Variants in PCSK1 observed in about 807,000 individuals in gnomAD.
PCSK1 encodes proprotein convertase subtilisin/kexin type 1, also known as neuroendocrine convertase 1.
Under a neutral mutation model 90.6 loss-of-function variants are expected in PCSK1, and 56 were observed. That is an observed-to-expected ratio of 0.62 (90% CI 0.50 to 0.77). PCSK1 has a LOEUF of 0.77. Ranked by LOEUF, PCSK1 falls within the 30% of genes least tolerant of loss-of-function variation. The probability of loss-of-function intolerance (pLI) is 0.00; values close to 1 mark genes in which losing one functional copy is unlikely to be tolerated. For synonymous variants in PCSK1, 348 were observed against 342.4 expected, an observed-to-expected ratio of 1.02 and a Z score of -0.18; for missense variants, 801 against 932.6, an observed-to-expected ratio of 0.86 and a Z score of 1.84.
At chr5:96,408,927 T>C (rs1760661915) in intron 8 of PCSK1, among the ~76,000 whole-genome samples, 1 of 152,258 alleles carries the variant, frequency 6.6e-6, no homozygotes, top group South Asian at 2.1e-4. Flanking sequence ...GAAAGTGTGC[T>C]GGACTTAGTT....
Position 96,393,270 on chromosome 5 carries a change from G to T in PCSK1, c.1993C>A (p.Gln665Lys). The T allele has an allele frequency of 2.5e-6, 4 of 1,613,726 alleles. No homozygotes were observed. Among genetic ancestry groups the T allele is most frequent in the Non-Finnish European group, 2.5e-6 (3 of 1,179,870 alleles). The change falls in exon 14 of 14, where the codon CAG (glutamine) becomes AAG (lysine). Residue 665 changes from glutamine (Q) to lysine (K), a missense_variant. By Grantham distance (53) the Gln-to-Lys change is moderately conservative. Coordinates refer to ENST00000311106, the MANE Select transcript of PCSK1 (RefSeq NM_000439.5). ...RDELEEGAPS[Q>K]AMLRLLQSAF... ...CTTTGCAGGAGTCGCAGCATGGCCTGGGAAGGGGCTCCCTCCTCCAACTCA... is the reference window on the plus strand; with the variant it reads ...CTTTGCAGGAGTCGCAGCATGGCCTTGGAAGGGGCTCCCTCCTCCAACTCA...
In PCSK1 at chr5:96,397,319, C is replaced by G; in HGVS notation, c.1722+17G>C. On this transcript the variant is annotated intron_variant, in intron 12 of 13. Transcript: ENST00000311106. ...AAAAGTAAGCTTGTGTTTTTTCATC[C>G]TCTCATTCACACTTACCATGTCTGT... 6.2e-7 allele frequency: 1 copy of G among 1,610,054 alleles called. No homozygotes were observed. The highest frequency in any genetic ancestry group is 8.5e-7 in the Non-Finnish European group (1 of 1,176,646).
intron 12 of PCSK1, among the ~76,000 whole-genome samples, chr5:96,395,270 T>G (rs1561362142): frequency 1.3e-5 from 2 of 152,258 alleles, no homozygotes. Context: ...TATGTAAGTC[T>G]TCTTTTCCAT....
intron 9 of PCSK1, among the ~76,000 whole-genome samples, chr5:96,407,125 A>AT (rs1760598389): frequency 6.6e-6 from 1 of 152,198 alleles, no homozygotes; most frequent in African/African-American, 2.4e-5. Flanking sequence ...GGTTGTGAAG[A>AT]TTTTTTCTGA....
At chr5:96,420,576 A>G (rs1554059375) in intron 5 of PCSK1, among the ~76,000 whole-genome samples, 1 of 152,116 alleles carries the variant, frequency 6.6e-6, no homozygotes, top group Non-Finnish European at 1.5e-5. Flanking sequence ...ATTTTCCCCA[A>G]GGAAGAAATA....
Position 96,390,431 on chromosome 5 carries a change from C to T in PCSK1, c.*2570G>A, listed in dbSNP as rs187137855. 7.9e-5 allele frequency: 12 copies of T among 152,156 alleles called. No individual in the cohort carries two copies. The highest frequency in any genetic ancestry group is 2.9e-4 in the African/African-American group (12 of 41,420). 9.4% of individuals were successfully genotyped at this position (152,156 alleles called of 1,614,324 possible). A position where few individuals can be genotyped will look rare whatever the true frequency, so the allele number is the denominator to read the frequency against. The stretch of plus-strand genomic sequence containing the variant: ...ATTTTACATATTCTGGTCAATACAT[C>T]AAATGTATAATGTGGAAGTTCCCTT... On this transcript the variant is annotated 3_prime_UTR_variant, in exon 14 of 14. Coordinates refer to ENST00000311106, the MANE Select transcript of PCSK1 (RefSeq NM_000439.5).
intron 9 of PCSK1, among the ~76,000 whole-genome samples, chr5:96,406,163 C>T (rs1266977615): frequency 6.6e-6 from 1 of 152,132 alleles, no homozygotes; most frequent in East Asian, 1.9e-4. Flanking sequence ...AAAAAAAGGT[C>T]TCGTTTGACC....
chr5:96,393,429 C>T lies in PCSK1; in HGVS notation c.1885-51G>A, dbSNP rs555481149. On this transcript the variant is annotated intron_variant, in intron 13 of 13. Transcript: ENST00000311106. ...AGGGAAGAAGGTTCATTATTTATGGCCAGGCAAGCTAGTTGCAACCCTACC... is the reference window on the plus strand; with the variant it reads ...AGGGAAGAAGGTTCATTATTTATGGTCAGGCAAGCTAGTTGCAACCCTACC... 4 of 1,607,130 alleles carry T rather than the reference C, an allele frequency of 2.5e-6. No individual in the cohort carries two copies. The East Asian group carries it at 6.7e-5, about 27-fold the overall frequency.
rs564400887 is a variant in PCSK1, at chr5:96,426,117, C to G, written c.286-187G>C. Among the ~76,000 whole-genome samples the G allele has an allele frequency of 2.6e-5, 4 of 152,254 alleles. No homozygotes were observed. The South Asian group carries it at 8.3e-4, about 32-fold the overall frequency. ...CCCACTGGGGAGATGAATATTTCCT[C>G]TATTACAGTAAAGTGCACCTTTAGG... On this transcript the variant is annotated intron_variant, in intron 2 of 13. Transcript: ENST00000311106.
chr5:96,394,903 A>G lies in PCSK1; in HGVS notation c.1845T>C (p.Asn615=). ...CCATCTTCTCCACCCCTCTTCTGTC[A>G]TTCTGAACAGTGTTGTAGGACGTGT... ...RVYTSYNTVQ[N]DRRGVEKMVD... The change falls in exon 13 of 14, where the codon AAT becomes AAC. Residue 615 remains asparagine, a synonymous_variant. Coordinates refer to ENST00000311106, the MANE Select transcript of PCSK1 (RefSeq NM_000439.5). 2 of 1,614,118 alleles carry G rather than the reference A, an allele frequency of 1.2e-6. No individual in the cohort carries two copies.
At chr5:96,408,134 C>T in intron 9 of PCSK1, 89 bp downstream of exon 9, 1 of 922,110 alleles carries the variant, frequency 1.1e-6, no homozygotes, top group Non-Finnish European at 1.7e-6. Context: ...AAAATTTCTC[C>T]TGTAACCATG....
intron 3 of PCSK1, among the ~76,000 whole-genome samples, chr5:96,425,530 C>G (rs753174328): frequency 5.9e-5 from 9 of 152,044 alleles, no homozygotes; most frequent in Admixed American, 1.3e-4. Flanking sequence ...TTTTGGAAAC[C>G]CTAACCTGCA....
chr5:96,422,545 C>T (rs766464738), intron 4 of PCSK1, among the ~76,000 whole-genome samples: 17 of 152,166 alleles, frequency 1.1e-4, no homozygotes, highest in Non-Finnish European at 2.4e-4. Context: ...TCCCGCATAC[C>T]CTTACTGTTA....
rs1360182003 is a variant in PCSK1 at position 96,391,122 on chromosome 5, C to G, written c.*1879G>C. On this transcript the variant is annotated 3_prime_UTR_variant, in exon 14 of 14. Transcript: ENST00000311106. Reference sequence around the variant, plus strand: ...GGAAATTCTATCTAACACTTCATATCAAACAATATATGAAACTTCCAAGGA... The same window carrying G: ...GGAAATTCTATCTAACACTTCATATGAAACAATATATGAAACTTCCAAGGA... 1 of 152,168 alleles carries G rather than the reference C, an allele frequency of 6.6e-6. No individual in the cohort carries two copies. Among genetic ancestry groups the G allele is most frequent in the Non-Finnish European group, 1.5e-5 (1 of 68,022 alleles). The allele number at this position is 152,168 out of a possible 1,614,324, so 9.4% of individuals were successfully genotyped here. A position where few individuals can be genotyped will look rare whatever the true frequency, so the allele number is the denominator to read the frequency against.
chr5:96,412,298 G>C lies in PCSK1; in HGVS notation c.882+20C>G. 1 of 1,605,744 alleles carries C rather than the reference G, an allele frequency of 6.2e-7. No homozygotes were observed. The highest frequency in any genetic ancestry group is 8.5e-7 in the Non-Finnish European group (1 of 1,172,348). On this transcript the variant is annotated intron_variant, in intron 7 of 13. Coordinates refer to ENST00000311106, the MANE Select transcript of PCSK1 (RefSeq NM_000439.5). ...GATGGTCAGGTTTCATTTCATGTGG[G>C]TCTGTGTAAAGCATCTTACCTGTTT...
At chr5:96,427,617 A>G (rs1456637013) in intron 2 of PCSK1, among the ~76,000 whole-genome samples, 1 of 152,110 alleles carries the variant, frequency 6.6e-6, no homozygotes, top group Non-Finnish European at 1.5e-5. Context: ...TCAGCTATCA[A>G]GGGGATGTAT....
rs766414747 is a variant in PCSK1 at position 96,408,295 on chromosome 5, G to A, written c.1124C>T (p.Thr375Met). 4.3e-6 allele frequency: 7 copies of A among 1,613,834 alleles called. No homozygotes were observed. Among genetic ancestry groups the A allele is most frequent in the East Asian group, 4.5e-5 (2 of 44,894 alleles). ...GGCCGAGGTGCCTGTGTGCGTCTCC[G>A]TGCAGTCATTGTGCAGGTCAGCGCT... ...ITSADLHNDC[T>M]ETHTGTSASA... The change falls in exon 9 of 14, where the codon ACG (threonine) becomes ATG (methionine). Residue 375 changes from threonine (T) to methionine (M), a missense_variant. Transcript: ENST00000311106.
At chr5:96,395,876 C>A (rs1760123644) in intron 12 of PCSK1, among the ~76,000 whole-genome samples, 1 of 152,012 alleles carries the variant, frequency 6.6e-6, no homozygotes, top group South Asian at 2.1e-4. Flanking sequence ...CAAAAAGTTG[C>A]ATATTTGGGG....
intron 6 of PCSK1, 150 bp downstream of exon 6, chr5:96,415,883 C>A (rs958168546): frequency 4.6e-6 from 3 of 657,982 alleles, no homozygotes; most frequent in Non-Finnish European, 2.8e-6. Flanking sequence ...GACTCGCTGG[C>A]AAATCATATT....
Sources: gnomAD v4.1 joint callset for allele counts (sites outside exome capture counted in the v4.1 genomes callset) on GRCh38, gnomAD v4.1.1 for gene constraint, MANE v1.5 for transcripts, NCBI Gene and HGNC (gene_info 2026-07-23, HGNC 2026-07-21) for gene names.